Variants in SSH2 observed in about 807,000 individuals in gnomAD.
SSH2 encodes slingshot protein phosphatase 2, also known as protein phosphatase Slingshot homolog 2.
Under a neutral mutation model 135.2 loss-of-function variants are expected in SSH2, and 37 were observed. The observed-to-expected ratio is 0.27, with a 90% CI of 0.21 to 0.36. The LOEUF (loss-of-function observed/expected upper bound fraction) is 0.36. Ranked by LOEUF, SSH2 falls within the 10% of genes least tolerant of loss-of-function variation. SSH2 has a pLI of 1.00. For missense variants in SSH2, 1,408 were observed against 1,765.3 expected, an observed-to-expected ratio of 0.80 and a Z score of 3.63; for synonymous variants, 628 against 646.2, an observed-to-expected ratio of 0.97 and a Z score of 0.43.
Position 29,631,753 on chromosome 17 carries a change from A to G in SSH2, c.3441T>C (p.His1147=). The G allele has an allele frequency of 6.2e-7, 1 of 1,614,208 alleles. No homozygotes were observed. Among genetic ancestry groups the G allele is most frequent in the Non-Finnish European group, 8.5e-7 (1 of 1,180,038 alleles). ...AACTGGCAGACAGTAAATGGGTTGTATGACTGACAAAAGGTGCTGCTGTCT... is the reference window on the plus strand; with the variant it reads ...AACTGGCAGACAGTAAATGGGTTGTGTGACTGACAAAAGGTGCTGCTGTCT... ...ALETAAPFVS[H]TTHLLSASLD... is the part of the protein sequence containing the mutation. Residue 1147 remains histidine (H), a synonymous_variant, in exon 16 of 16, where the codon CAT becomes CAC. Coordinates refer to ENST00000540801, the MANE Select transcript of SSH2 (RefSeq NM_001282129.2).
chr17:29,755,190 G>A (rs73263629), intron 3 of SSH2, among the ~76,000 whole-genome samples: 1 of 152,134 alleles, frequency 6.6e-6, no homozygotes, highest in Non-Finnish European at 1.5e-5. Flanking sequence ...TAAAATGCAC[G>A]TACAGACTCT....
chr17:29,669,511 TG>T (rs1194839677), intron 9 of SSH2, among the ~76,000 whole-genome samples: 1 of 152,192 alleles, frequency 6.6e-6, no homozygotes, highest in Non-Finnish European at 1.5e-5. Flanking sequence ...GGAGGAGGAA[TG>T]GAAAAAGCAT....
At chr17:29,728,879 C>T (rs1157398371) in intron 3 of SSH2, among the ~76,000 whole-genome samples, 2 of 152,142 alleles carry the variant, frequency 1.3e-5, no homozygotes, top group Non-Finnish European at 2.9e-5. Flanking sequence ...CATCTCTCGC[C>T]ATATACAAAG....
Position 29,655,721 on chromosome 17 carries a change from G to GCCCT in SSH2, c.1033-118_1033-115dup. ...AAGAAGACTAATAACATCTACCAGT[G>GCCCT]CCCTTTAAGTTGCCAGGCACTTCAT... On this transcript the variant is annotated intron_variant, in intron 11 of 15. Coordinates refer to ENST00000540801, the MANE Select transcript of SSH2 (RefSeq NM_001282129.2). 3 of 886,028 alleles carry GCCCT rather than the reference G, an allele frequency of 3.4e-6. No homozygotes were observed. The South Asian group carries it at 4.2e-5, about 12-fold the overall frequency. 54.9% of individuals were successfully genotyped at this position (886,028 alleles called of 1,614,324 possible). A position where few individuals can be genotyped will look rare whatever the true frequency, so the allele number is the denominator to read the frequency against.
At chr17:29,872,104 C>T (rs2065946721) in intron 1 of SSH2, among the ~76,000 whole-genome samples, 1 of 152,146 alleles carries the variant, frequency 6.6e-6, no homozygotes, top group Non-Finnish European at 1.5e-5. Flanking sequence ...ATTATGATTG[C>T]TCTTTGTTTT....
chr17:29,662,328 G>A (rs932161554), intron 11 of SSH2, among the ~76,000 whole-genome samples: 1 of 152,198 alleles, frequency 6.6e-6, no homozygotes, highest in Non-Finnish European at 1.5e-5. Context: ...AATAAGGACT[G>A]TACTGTGGGA....
intron 3 of SSH2, among the ~76,000 whole-genome samples, chr17:29,780,781 T>C (rs1329176442): frequency 6.6e-6 from 1 of 151,800 alleles, no homozygotes; most frequent in Admixed American, 6.6e-5. Context: ...ATATTTACAA[T>C]GGACCTACTT....
chr17:29,724,581 CTTTT>C (rs560435177), intron 3 of SSH2, among the ~76,000 whole-genome samples: 1 of 76,542 alleles, frequency 1.3e-5, no homozygotes, highest in Non-Finnish European at 2.2e-5. Context: ...ATTACCAAAT[CTTTT>C]TTTTTTTTTT....
chr17:29,636,399 C>T lies in SSH2; in HGVS notation c.1831G>A (p.Glu611Lys). 6.2e-7 allele frequency: 1 copy of T among 1,614,174 alleles called. No individual in the cohort carries two copies. The highest frequency in any genetic ancestry group is 8.5e-7 in the Non-Finnish European group (1 of 1,180,030). ...AAGTCTGGAAACTTGTTGGCCATTTCTGGGACATGTCCAGGCTGAATTAAG... is the reference window on the plus strand; with the variant it reads ...AAGTCTGGAAACTTGTTGGCCATTTTTGGGACATGTCCAGGCTGAATTAAG... ...KALIQPGHVP[E>K]MANKFPDLTV... The change falls in exon 15 of 16, where the codon GAA becomes AAA. Residue 611 changes from glutamate (E) to lysine (K), a missense_variant. Glu to Lys is a moderately conservative substitution (Grantham distance 56). Coordinates refer to ENST00000540801, the MANE Select transcript of SSH2 (RefSeq NM_001282129.2).
At chr17:29,829,159 G>T (rs1346935217) in intron 2 of SSH2, among the ~76,000 whole-genome samples, 2 of 152,142 alleles carry the variant, frequency 1.3e-5, no homozygotes, top group Non-Finnish European at 2.9e-5. Context: ...TGTAATAGTG[G>T]CTGTTTATTA....
In SSH2 at chr17:29,635,550, GCCGCC is replaced by G. The variant is rs1567829429; in HGVS notation, c.2262+413_2262+417del. Among the ~76,000 whole-genome samples, 788 of 35,276 alleles carry G rather than the reference GCCGCC, an allele frequency of 0.022. 9 individuals are homozygous for G. In the African/African-American group the frequency reaches 0.29, roughly 13 times the overall value. 23.1% of individuals were successfully genotyped at this position (35,276 alleles called of 152,430 possible). ...CTCCCGAGTAGCTGGGACTACAGGC[GCCGCC>G]CGCCACCACACCTGGCTAATTTTTT... On this transcript the variant is annotated intron_variant, in intron 15 of 15. Coordinates refer to ENST00000540801, the MANE Select transcript of SSH2 (RefSeq NM_001282129.2).
chr17:29,918,192 T>C (rs1376122324), intron 1 of SSH2, among the ~76,000 whole-genome samples: 2 of 151,928 alleles, frequency 1.3e-5, no homozygotes, highest in Admixed American at 1.3e-4. Context: ...TCTCAAATAA[T>C]CAATCAATCA....
chr17:29,840,020 TA>T (rs1472840849), intron 2 of SSH2, among the ~76,000 whole-genome samples: 8 of 152,192 alleles, frequency 5.3e-5, no homozygotes, highest in African/African-American at 1.4e-4. Context: ...TAAGTACTCA[TA>T]GTAAGGGGTC....
chr17:29,838,776 C>A (rs895136249), intron 2 of SSH2, among the ~76,000 whole-genome samples: 1 of 152,112 alleles, frequency 6.6e-6, no homozygotes, highest in South Asian at 2.1e-4. Context: ...GCTGTTCTAT[C>A]GCTCAATAAA....
chr17:29,808,032 T>C (rs141370833), intron 2 of SSH2, among the ~76,000 whole-genome samples: 4 of 152,330 alleles, frequency 2.6e-5, no homozygotes, highest in Admixed American at 6.5e-5. Flanking sequence ...AATTATTTTG[T>C]TTAAAGACCA....
At chr17:29,809,452 T>C (rs1025334990) in intron 2 of SSH2, among the ~76,000 whole-genome samples, 3 of 152,194 alleles carry the variant, frequency 2.0e-5, no homozygotes, top group Non-Finnish European at 4.4e-5. Flanking sequence ...ACTTAAAGTC[T>C]TGTAGTATCT....
At chr17:29,680,390 T>A (rs1271602699) in intron 6 of SSH2, among the ~76,000 whole-genome samples, 2 of 150,530 alleles carry the variant, frequency 1.3e-5, no homozygotes, top group Non-Finnish European at 3.0e-5. Context: ...ACACTAAAAA[T>A]ACAAAAATTA....
chr17:29,872,271 G>C (rs1219510830), intron 1 of SSH2, among the ~76,000 whole-genome samples: 1 of 152,064 alleles, frequency 6.6e-6, no homozygotes, highest in Non-Finnish European at 1.5e-5. Context: ...TTACTCAGTG[G>C]CCATAACAGC....
At position 29,673,338 on chromosome 17, in the gene SSH2, G is replaced by C. The variant is rs190355835; in HGVS notation, c.615-1209C>G. On this transcript the variant is annotated intron_variant, in intron 8 of 15. Coordinates refer to ENST00000540801, the MANE Select transcript of SSH2 (RefSeq NM_001282129.2). Reference sequence around the variant, plus strand: ...TAATCCTAGCACTTTGGGAGGCCAAGGTGGGTGGATCACTTGAGGTCAGGA... The same window carrying C: ...TAATCCTAGCACTTTGGGAGGCCAACGTGGGTGGATCACTTGAGGTCAGGA... Among the ~76,000 whole-genome samples the C allele has an allele frequency of 1.7e-3, 254 of 152,178 alleles. 1 individual carries two copies. The highest frequency in any genetic ancestry group is 5.9e-3 in the African/African-American group (244 of 41,540).
Sources: allele counts gnomAD v4.1 joint callset (sites outside exome capture counted in the v4.1 genomes callset), GRCh38; gene constraint gnomAD v4.1.1; transcripts MANE v1.5; gene names NCBI Gene and HGNC (gene_info 2026-07-23, HGNC 2026-07-21).